Variants in SLC12A8 observed in about 807,000 individuals in gnomAD.
SLC12A8 encodes cation-chloride cotransporter 9.
A neutral mutation model predicts 75.6 loss-of-function variants in SLC12A8; 69 were observed. The ratio of observed to expected loss-of-function variants is 0.91; its 90% confidence interval spans 0.75 to 1.11. SLC12A8 has a LOEUF of 1.11. SLC12A8 is among the 50% of genes most tolerant of loss of function. SLC12A8 has a pLI of 0.00. For missense variants in SLC12A8, 877 were observed against 896.7 expected, an observed-to-expected ratio of 0.98 and a Z score of 0.28; for synonymous variants, 365 against 372.8, an observed-to-expected ratio of 0.98 and a Z score of 0.24.
chr3:125,141,577 G>C (rs892790157), intron 5 of SLC12A8, among the ~76,000 whole-genome samples: 1 of 152,226 alleles, frequency 6.6e-6, no homozygotes, highest in East Asian at 1.9e-4. Flanking sequence ...GAAATTAGAA[G>C]AGGGAGTCGG....
At chr3:125,108,178 T>C (rs1293741520) in intron 9 of SLC12A8, 52 bp from the exon 10 acceptor site, 1 of 1,528,236 alleles carries the variant, frequency 6.5e-7, no homozygotes, top group South Asian at 1.3e-5. Context: ...ATAGAACGCT[T>C]CAGAGATTTC....
chr3:125,133,271 A>G (rs1158117933), intron 6 of SLC12A8, among the ~76,000 whole-genome samples: 3 of 152,164 alleles, frequency 2.0e-5, no homozygotes, highest in Non-Finnish European at 4.4e-5. Context: ...TAAGATGTAC[A>G]TGTTTAAAGT....
At chr3:125,128,183 A>C (rs702044) in intron 6 of SLC12A8, among the ~76,000 whole-genome samples, 1 of 127,656 alleles carries the variant, frequency 7.8e-6, no homozygotes, top group Non-Finnish European at 1.5e-5. Context: ...GCTTATTTTT[A>C]TTTTTTTTTT....
Position 125,174,016 on chromosome 3 carries a change from C to T in SLC12A8, c.622+3727G>A, listed in dbSNP as rs1265427861. ...CTGAGGCATAAGAATTGCTTAAACC[C>T]GGGAGGCAGAGGTTGCAGTGAGCCA... On this transcript the variant is annotated intron_variant, in intron 5 of 13. Coordinates refer to ENST00000469902, the MANE Select transcript of SLC12A8 (RefSeq NM_024628.6). 4.6e-5 allele frequency among the ~76,000 whole-genome samples: 7 copies of T among 152,196 alleles called. No individual in the cohort carries two copies. The South Asian group carries it at 1.0e-3, about 23-fold the overall frequency.
intron 8 of SLC12A8, among the ~76,000 whole-genome samples, chr3:125,118,362 G>A (rs531632481): frequency 2.6e-5 from 4 of 152,116 alleles, no homozygotes; most frequent in Non-Finnish European, 4.4e-5. Flanking sequence ...GGTGGCTCAC[G>A]CCTGTAATCT....
At chr3:125,138,271 T>G (rs995974987) in intron 5 of SLC12A8, among the ~76,000 whole-genome samples, 1 of 151,988 alleles carries the variant, frequency 6.6e-6, no homozygotes. Context: ...CGTGATGGGG[T>G]GTGCCTGTAG....
At chr3:125,169,539 T>C (rs145388270) in intron 5 of SLC12A8, among the ~76,000 whole-genome samples, 334 of 151,962 alleles carry the variant, frequency 2.2e-3, no homozygotes, top group Non-Finnish European at 3.7e-3. Flanking sequence ...AAGGACACAG[T>C]GGAGGGAGGG....
At chr3:125,203,831 T>C (rs1012689678) in intron 2 of SLC12A8, among the ~76,000 whole-genome samples, 3 of 152,180 alleles carry the variant, frequency 2.0e-5, no homozygotes, top group Non-Finnish European at 2.9e-5. Flanking sequence ...TTGCAAGATA[T>C]TCATGCAACA....
intron 10 of SLC12A8, among the ~76,000 whole-genome samples, chr3:125,100,998 C>A (rs1278977439): frequency 8.5e-6 from 1 of 117,426 alleles, no homozygotes; most frequent in Non-Finnish European, 1.6e-5. Context: ...CCGGCCTGGG[C>A]GACAGAGCGA....
chr3:125,127,683 T>A, intron 6 of SLC12A8, among the ~76,000 whole-genome samples: 1 of 152,198 alleles, frequency 6.6e-6, no homozygotes, highest in East Asian at 1.9e-4. Flanking sequence ...CCAGTCAGGC[T>A]GTGGAGAAGT....
intron 6 of SLC12A8, among the ~76,000 whole-genome samples, chr3:125,124,547 G>A (rs1579487733): frequency 6.6e-6 from 1 of 152,098 alleles, no homozygotes; most frequent in Admixed American, 6.6e-5. Flanking sequence ...GGCTGGTCTC[G>A]AACTCCTAAC....
chr3:125,166,496 A>T (rs1236551713), intron 5 of SLC12A8, among the ~76,000 whole-genome samples: 1 of 152,090 alleles, frequency 6.6e-6, no homozygotes, highest in East Asian at 1.9e-4. Flanking sequence ...CTGCCCCCAA[A>T]ATAAAGCCCA....
At chr3:125,135,944 C>A (rs1477007455) in intron 5 of SLC12A8, among the ~76,000 whole-genome samples, 162 bp from the exon 6 acceptor site, 1 of 152,130 alleles carries the variant, frequency 6.6e-6, no homozygotes, top group Non-Finnish European at 1.5e-5. Context: ...CATCTACCTT[C>A]CCACTTCTAG....
intron 5 of SLC12A8, among the ~76,000 whole-genome samples, chr3:125,137,034 T>C (rs1261422410): frequency 2.6e-5 from 4 of 152,128 alleles, no homozygotes; most frequent in African/African-American, 4.8e-5. Flanking sequence ...AGGATGGGTA[T>C]TCAGCTGTCA....
At chr3:125,090,047 C>G (rs1004796682) in intron 12 of SLC12A8, among the ~76,000 whole-genome samples, 9 of 151,744 alleles carry the variant, frequency 5.9e-5, no homozygotes, top group African/African-American at 2.2e-4. Context: ...TCTTTAGTTT[C>G]TAAATATTTG....
At chr3:125,166,696 C>T (rs148512540) in intron 5 of SLC12A8, among the ~76,000 whole-genome samples, 1 of 152,088 alleles carries the variant, frequency 6.6e-6, no homozygotes, top group Non-Finnish European at 1.5e-5. Context: ...CTCCCTTGCA[C>T]GAAGAACAGT....
At chr3:125,086,908 G>C (rs1286482346) in intron 13 of SLC12A8, among the ~76,000 whole-genome samples, 1 of 152,184 alleles carries the variant, frequency 6.6e-6, no homozygotes, top group African/African-American at 2.4e-5. Flanking sequence ...TTTATTTCTT[G>C]TGCCATCTTG....
chr3:125,149,142 G>A (rs943102447), intron 5 of SLC12A8, among the ~76,000 whole-genome samples: 12 of 152,228 alleles, frequency 7.9e-5, no homozygotes, highest in African/African-American at 2.9e-4. Context: ...CAGCCAGGGA[G>A]TCGGGCCAGC....
intron 5 of SLC12A8, among the ~76,000 whole-genome samples, chr3:125,138,598 T>C (rs918185452): frequency 2.0e-5 from 3 of 152,304 alleles, no homozygotes; most frequent in South Asian, 4.1e-4. Flanking sequence ...TATTAATCTA[T>C]ACATGTAAGA....
Sources: allele counts gnomAD v4.1 joint callset (sites outside exome capture counted in the v4.1 genomes callset), GRCh38; gene constraint gnomAD v4.1.1; transcripts MANE v1.5; gene names NCBI Gene and HGNC (gene_info 2026-07-23, HGNC 2026-07-21).